BMPR1B: variants seen among roughly 807,000 people sequenced by gnomAD.
The protein encoded by BMPR1B is bone morphogenetic protein receptor type 1B.
Under a neutral mutation model 59.1 loss-of-function variants are expected in BMPR1B, and 12 were observed. The ratio of observed to expected loss-of-function variants is 0.20; its 90% CI spans 0.13 to 0.33. BMPR1B has a LOEUF of 0.33. BMPR1B is among the 10% of genes least tolerant of loss of function. The pLI, the probability that BMPR1B is intolerant of heterozygous loss-of-function variation, is 1.00. For synonymous variants in BMPR1B, 237 were observed against 207.3 expected, an observed-to-expected ratio of 1.14 and a Z score of -1.23; for missense variants, 550 against 610.9, an observed-to-expected ratio of 0.90 and a Z score of 1.05.
rs534121865 is a variant in BMPR1B, at chr4:94,951,384, A to G, written c.-112-44656A>G. 3.3e-5 allele frequency among the ~76,000 whole-genome samples: 5 copies of G among 152,292 alleles called. No individual in the cohort carries two copies. The East Asian group carries it at 9.6e-4, about 29-fold the overall frequency. On this transcript the variant is annotated intron_variant, in intron 2 of 12. Transcript: ENST00000515059. ...AAAGGAATGCTTCCAGCTTTTGCCC[A>G]TTCAGTATGATATTGGCTGTGAGGT...
Position 95,158,211 on chromosome 4 carries a change from C to CA in BMPR1B, c.*3545dup, listed in dbSNP as rs878912757. 6.6e-6 allele frequency: 1 copy of CA among 151,916 alleles called. No individual in the cohort carries two copies. Among genetic ancestry groups the CA allele is most frequent in the African/African-American group, 2.4e-5 (1 of 41,374 alleles). 9.4% of individuals were successfully genotyped at this position (151,916 alleles called of 1,614,324 possible). On this transcript the variant is annotated 3_prime_UTR_variant, in exon 13 of 13. Transcript: ENST00000515059. The stretch of plus-strand genomic sequence containing the variant: ...TTGTGATTCCTCTTGTAAAACAAAA[C>CA]AAAAAAACAATGCCATATTTTTTGG...
chr4:95,072,902 A>G (rs560196613), intron 3 of BMPR1B, among the ~76,000 whole-genome samples: 2 of 152,308 alleles, frequency 1.3e-5, no homozygotes, highest in South Asian at 2.1e-4. Flanking sequence ...GAAAGAGTCT[A>G]TTAAATAAGC....
chr4:94,928,055 G>A (rs1402982250), intron 2 of BMPR1B, among the ~76,000 whole-genome samples: 1 of 152,026 alleles, frequency 6.6e-6, no homozygotes, highest in Admixed American at 6.6e-5. Flanking sequence ...GTAAATGTAG[G>A]AATTTGGTAA....
At chr4:94,765,976 A>G (rs970778292) in intron 1 of BMPR1B, among the ~76,000 whole-genome samples, 4 of 152,142 alleles carry the variant, frequency 2.6e-5, no homozygotes, top group Non-Finnish European at 5.9e-5. Context: ...TTGTTTCATC[A>G]TCTGTAAAAT....
chr4:94,936,564 G>A (rs551874028), intron 2 of BMPR1B, among the ~76,000 whole-genome samples: 5 of 152,258 alleles, frequency 3.3e-5, no homozygotes, highest in African/African-American at 1.2e-4. Flanking sequence ...AACACGTAGT[G>A]TTTGAAAGAC....
chr4:94,976,912 T>A (rs1389916869), intron 2 of BMPR1B, among the ~76,000 whole-genome samples: 1 of 152,226 alleles, frequency 6.6e-6, no homozygotes, highest in Non-Finnish European at 1.5e-5. Flanking sequence ...GTTTCCATCT[T>A]CTGATTCATC....
chr4:94,911,085 C>G (rs1234971511), intron 2 of BMPR1B, among the ~76,000 whole-genome samples: 1 of 152,126 alleles, frequency 6.6e-6, no homozygotes, highest in Non-Finnish European at 1.5e-5. Flanking sequence ...TTCATAAAAA[C>G]TATTCTAGTT....
chr4:94,782,554 C>G (rs1722627870), intron 1 of BMPR1B, among the ~76,000 whole-genome samples: 1 of 152,154 alleles, frequency 6.6e-6, no homozygotes, highest in African/African-American at 2.4e-5. Flanking sequence ...GATCTAATCA[C>G]CTTGGCCTCC....
chr4:94,918,731 AC>A (rs1728580638), intron 2 of BMPR1B, among the ~76,000 whole-genome samples: 1 of 151,804 alleles, frequency 6.6e-6, no homozygotes, highest in African/African-American at 2.4e-5. Flanking sequence ...TTCCTTTTGA[AC>A]TCAATCTGCT....
chr4:94,844,727 A>G (rs1439798453), intron 1 of BMPR1B, among the ~76,000 whole-genome samples: 3 of 152,092 alleles, frequency 2.0e-5, no homozygotes, highest in African/African-American at 7.2e-5. Context: ...GGCCATAGGC[A>G]GTTTAGTTTC....
At chr4:94,908,061 TAAAAAAAAAAAAAAAAAA>T (rs571793477) in intron 2 of BMPR1B, among the ~76,000 whole-genome samples, 1 of 46,254 alleles carries the variant, frequency 2.2e-5, no homozygotes, top group East Asian at 6.0e-4. Flanking sequence ...ACCCTGTCTT[TAAAAAAAAAAAAAAAAAA>T]AAAAAAAAAA....
chr4:94,897,860 A>G (rs1378495560), intron 2 of BMPR1B, among the ~76,000 whole-genome samples: 1 of 147,990 alleles, frequency 6.8e-6, no homozygotes, highest in Non-Finnish European at 1.5e-5. Flanking sequence ...TATTCTTAGT[A>G]TTGGTTCTTA....
chr4:95,127,514 T>G (rs1732993736), intron 8 of BMPR1B, among the ~76,000 whole-genome samples: 2 of 152,206 alleles, frequency 1.3e-5, no homozygotes. Flanking sequence ...AAATTCTCCA[T>G]AGACTTACAT....
intron 1 of BMPR1B, among the ~76,000 whole-genome samples, chr4:94,846,761 T>C (rs566864926): frequency 2.0e-4 from 31 of 152,012 alleles, no homozygotes; most frequent in Middle Eastern, 3.4e-3. Context: ...AGTTCTGTCC[T>C]TCTAGAGAAC....
At chr4:94,939,911 G>C (rs528442417) in intron 2 of BMPR1B, among the ~76,000 whole-genome samples, 2 of 152,242 alleles carry the variant, frequency 1.3e-5, no homozygotes, top group South Asian at 4.1e-4. Flanking sequence ...AACTCCACCA[G>C]TTATTTTAGT....
At chr4:94,846,356 A>G (rs58519858) in intron 1 of BMPR1B, among the ~76,000 whole-genome samples, 8,881 of 152,234 alleles carry the variant, frequency 0.058, 732 homozygotes, top group African/African-American at 0.17. Flanking sequence ...GATACAAGGT[A>G]TTGATCCTGG....
At chr4:94,956,476 T>A (rs980042069) in intron 2 of BMPR1B, among the ~76,000 whole-genome samples, 2 of 152,196 alleles carry the variant, frequency 1.3e-5, no homozygotes, top group Non-Finnish European at 2.9e-5. Context: ...CCTTCTTTTT[T>A]AATTGAGGTC....
intron 2 of BMPR1B, among the ~76,000 whole-genome samples, chr4:94,878,391 C>A (rs1042747886): frequency 2.0e-5 from 3 of 152,202 alleles, no homozygotes; most frequent in Admixed American, 6.5e-5. Context: ...GAGCAGAGGA[C>A]GTTATTTTTA....
chr4:94,998,903 C>T (rs1722256748), intron 3 of BMPR1B, among the ~76,000 whole-genome samples: 1 of 152,166 alleles, frequency 6.6e-6, no homozygotes, highest in South Asian at 2.1e-4. Context: ...CCCTTTCTCT[C>T]CATTTTATTT....
Sources: allele counts gnomAD v4.1 joint callset (sites outside exome capture counted in the v4.1 genomes callset), GRCh38; gene constraint gnomAD v4.1.1; transcripts MANE v1.5; gene names NCBI Gene and HGNC (gene_info 2026-07-23, HGNC 2026-07-21).